Variants in CREB3L2 observed in about 807,000 individuals in gnomAD.
CREB3L2 encodes the protein cAMP responsive element binding protein 3 like 2.
Under a neutral mutation model 57.2 loss-of-function variants are expected in CREB3L2, and 23 were observed. The ratio of observed to expected loss-of-function variants is 0.40; its 90% CI spans 0.29 to 0.57. The LOEUF is 0.57. Among genes scored for constraint, CREB3L2 ranks in the 20% least tolerant of loss-of-function variants. CREB3L2 has a pLI of 0.42. For synonymous variants in CREB3L2, 268 were observed against 265.1 expected (o/e 1.01, Z -0.11); for missense variants, 628 against 634.7 (o/e 0.99, Z 0.11).
intron 8 of CREB3L2, among the ~76,000 whole-genome samples, chr7:137,896,161 C>T (rs273941): frequency 0.71 from 107,598 of 152,152 alleles, 38,157 homozygotes; most frequent in Admixed American, 0.76. Context: ...ATTCTCTGAG[C>T]GCCACAGACG....
At chr7:137,925,663 A>G (rs112833403) in intron 2 of CREB3L2, among the ~76,000 whole-genome samples, 4 of 152,306 alleles carry the variant, frequency 2.6e-5, no homozygotes, top group African/African-American at 9.6e-5. Flanking sequence ...GAATAAAATA[A>G]TTCTGTTCCC....
At chr7:137,976,376 G>A (rs951655135) in intron 1 of CREB3L2, among the ~76,000 whole-genome samples, 11 of 152,188 alleles carry the variant, frequency 7.2e-5, no homozygotes, top group Admixed American at 2.0e-4. Context: ...CAATGCAGTG[G>A]CCACTCGTTA....
chr7:137,900,799 G>A (rs934206020), intron 8 of CREB3L2, among the ~76,000 whole-genome samples: 4 of 151,322 alleles, frequency 2.6e-5, no homozygotes, highest in African/African-American at 7.3e-5. Context: ...GCAAGACTCC[G>A]TCTCAAAAAA....
chr7:137,905,588 C>T (rs1737533272), intron 6 of CREB3L2, 114 bp downstream of exon 6: 2 of 1,155,394 alleles, frequency 1.7e-6, no homozygotes, highest in African/African-American at 3.0e-5. Context: ...AGGGCTGGGC[C>T]TTGGTCTCCA....
chr7:137,886,932 C>T (rs952606381), intron 8 of CREB3L2, among the ~76,000 whole-genome samples: 4 of 152,090 alleles, frequency 2.6e-5, no homozygotes, highest in African/African-American at 7.2e-5. Flanking sequence ...TTAGAGCACC[C>T]GGGAAGAGTT....
intron 1 of CREB3L2, among the ~76,000 whole-genome samples, chr7:137,956,159 C>T (rs1801206305): frequency 6.6e-6 from 1 of 152,168 alleles, no homozygotes. Context: ...AGAGAAGACC[C>T]AAAGGCCTTC....
At chr7:137,887,392 G>C (rs186872086) in intron 8 of CREB3L2, among the ~76,000 whole-genome samples, 2 of 152,322 alleles carry the variant, frequency 1.3e-5, no homozygotes, top group Non-Finnish European at 2.9e-5. Flanking sequence ...TCAGCACACA[G>C]AGTAGATGCT....
At chr7:137,986,592 G>A (rs139107298) in intron 1 of CREB3L2, among the ~76,000 whole-genome samples, 1 of 152,188 alleles carries the variant, frequency 6.6e-6, no homozygotes, top group Non-Finnish European at 1.5e-5. Context: ...TGTGCTGACC[G>A]CAAAATCCCT....
chr7:137,881,323 T>G (rs1799286226), intron 11 of CREB3L2, among the ~76,000 whole-genome samples: 1 of 152,164 alleles, frequency 6.6e-6, no homozygotes, highest in African/African-American at 2.4e-5. Context: ...TGCTCCAAAA[T>G]CTAGAAATTT....
At chr7:137,901,954 G>A (rs1799770605) in intron 7 of CREB3L2, among the ~76,000 whole-genome samples, 1 of 150,760 alleles carries the variant, frequency 6.6e-6, no homozygotes, top group African/African-American at 2.4e-5. Context: ...AGTAATTTGG[G>A]AGGCTGAGGC....
At chr7:138,000,196 G>C (rs752115790) in intron 1 of CREB3L2, among the ~76,000 whole-genome samples, 5 of 152,150 alleles carry the variant, frequency 3.3e-5, no homozygotes, top group Admixed American at 6.5e-5. Context: ...AAAAGAGAAG[G>C]GCTGCCCCTC....
At chr7:137,997,599 A>G (rs954623687) in intron 1 of CREB3L2, among the ~76,000 whole-genome samples, 1 of 151,966 alleles carries the variant, frequency 6.6e-6, no homozygotes, top group Non-Finnish European at 1.5e-5. Context: ...ATGGTGGCAC[A>G]CACTGATACT....
Position 137,952,832 on chromosome 7 carries a change from G to A in CREB3L2, c.103-24466C>T, listed in dbSNP as rs991939808. Among the ~76,000 whole-genome samples, 30 of 151,704 alleles carry A rather than the reference G, an allele frequency of 2.0e-4. 1 individual carries two copies. The highest frequency in any genetic ancestry group is 1.8e-3 in the Admixed American group (27 of 15,228). The stretch of plus-strand genomic sequence containing the variant: ...GTTTTTGTTTTTGTTTTTTTTAGAC[G>A]GGGTCTCTCTCTCTCACTCTTGTCA... On this transcript the variant is annotated intron_variant, in intron 1 of 11. Coordinates refer to ENST00000330387, the MANE Select transcript of CREB3L2 (RefSeq NM_194071.4).
chr7:137,878,007 G>A lies in CREB3L2; in HGVS notation c.*2469C>T, dbSNP rs941010113. The A allele has an allele frequency of 8.8e-6, 2 of 228,412 alleles. No homozygotes were observed. The highest frequency in any genetic ancestry group is 4.4e-5 in the African/African-American group (2 of 45,066). 14.1% of individuals were successfully genotyped at this position (228,412 alleles called of 1,614,324 possible). ...TTTATCTAAAAGAGCAGTGATGTTGGTTCTTGGAGCCCCCTTAAAAGGGCC... is the reference window on the plus strand; with the variant it reads ...TTTATCTAAAAGAGCAGTGATGTTGATTCTTGGAGCCCCCTTAAAAGGGCC... On this transcript the variant is annotated 3_prime_UTR_variant, in exon 12 of 12. Transcript: ENST00000330387.
intron 1 of CREB3L2, among the ~76,000 whole-genome samples, chr7:137,938,849 T>G (rs537729379): frequency 6.2e-4 from 95 of 152,210 alleles, no homozygotes; most frequent in African/African-American, 2.2e-3. Context: ...GAATTTGATG[T>G]GGAAAAAAAA....
chr7:137,991,858 A>C (rs1413630029), intron 1 of CREB3L2, among the ~76,000 whole-genome samples: 2 of 151,958 alleles, frequency 1.3e-5, no homozygotes, highest in Non-Finnish European at 2.9e-5. Flanking sequence ...CAGTGAGCCA[A>C]GATCACGCCA....
At chr7:137,910,704 C>T (rs187722534) in intron 4 of CREB3L2, among the ~76,000 whole-genome samples, 37 of 152,176 alleles carry the variant, frequency 2.4e-4, no homozygotes, top group African/African-American at 5.5e-4. Flanking sequence ...ATTCTAATAC[C>T]GTTCTCCCGT....
intron 1 of CREB3L2, among the ~76,000 whole-genome samples, chr7:137,940,642 T>C (rs1364818999): frequency 1.3e-5 from 2 of 152,166 alleles, no homozygotes; most frequent in Non-Finnish European, 2.9e-5. Flanking sequence ...CAGAATTCTC[T>C]GAACAGAACG....
chr7:137,912,759 A>T, intron 4 of CREB3L2: 2 of 1,256,396 alleles, frequency 1.6e-6, no homozygotes, highest in African/African-American at 1.5e-5. Context: ...AAGTAAAAGT[A>T]TGGTAACACT....
Sources: allele counts gnomAD v4.1 joint callset (sites outside exome capture counted in the v4.1 genomes callset), GRCh38; gene constraint gnomAD v4.1.1; transcripts MANE v1.5; gene names NCBI Gene and HGNC (gene_info 2026-07-23, HGNC 2026-07-21).